Variants in ZNF709 observed in about 807,000 individuals in gnomAD.
ZNF709 encodes zinc finger protein 709.
In ZNF709, 15 loss-of-function variants were observed where a neutral mutation model predicts 10.6. The observed-to-expected ratio is 1.41, with a 90% confidence interval of 0.95 to 2.18. The LOEUF (loss-of-function observed/expected upper bound fraction) is 2.18. Ranked by LOEUF, ZNF709 falls within the 30% of genes most tolerant of loss-of-function variation. The pLI is 0.00. For missense variants in ZNF709, 589 were observed against 774.0 expected (o/e 0.76, Z 2.84); for synonymous variants, 194 against 238.8 (o/e 0.81, Z 1.73).
intron 1 of ZNF709, among the ~76,000 whole-genome samples, chr19:12,471,947 C>T (rs934518832): frequency 6.6e-5 from 10 of 151,664 alleles, no homozygotes; most frequent in Non-Finnish European, 1.0e-4. Flanking sequence ...ATACTAAAAT[C>T]AAGAAAGTTA....
intron 1 of ZNF709, among the ~76,000 whole-genome samples, chr19:12,480,345 G>C (rs1168095551): frequency 2.0e-5 from 3 of 152,072 alleles, no homozygotes; most frequent in African/African-American, 7.2e-5. Flanking sequence ...AGTATGTTAG[G>C]ATTTTCAAAT....
At chr19:12,468,039 C>G (rs1213107724) in intron 1 of ZNF709, among the ~76,000 whole-genome samples, 3 of 151,080 alleles carry the variant, frequency 2.0e-5, no homozygotes, top group African/African-American at 7.3e-5. Context: ...GGTCAGCCCC[C>G]GCCCGGCCAG....
intron 1 of ZNF709, among the ~76,000 whole-genome samples, chr19:12,470,377 C>CAG (rs1455262016): frequency 6.6e-6 from 1 of 152,056 alleles, no homozygotes; most frequent in Non-Finnish European, 1.5e-5. Flanking sequence ...GAGCTGATCA[C>CAG]GTAAGTTCTA....
intron 1 of ZNF709, among the ~76,000 whole-genome samples, chr19:12,467,287 G>GC (rs1568246235): frequency 6.6e-6 from 1 of 152,184 alleles, no homozygotes; most frequent in African/African-American, 2.4e-5. Context: ...GCAGGCGCGC[G>GC]CGCCGCCACG....
chr19:12,474,100 C>A (rs1439352616), intron 1 of ZNF709, among the ~76,000 whole-genome samples: 6 of 152,128 alleles, frequency 3.9e-5, no homozygotes, highest in Non-Finnish European at 8.8e-5. Context: ...ACTATAAAAT[C>A]ATTGTGTTGT....
intron 1 of ZNF709, among the ~76,000 whole-genome samples, chr19:12,480,007 A>AAT (rs1254318951): frequency 4.0e-5 from 6 of 151,794 alleles, no homozygotes; most frequent in South Asian, 2.1e-4. Flanking sequence ...TACAAAAAAG[A>AAT]ATATATATAT....
intron 1 of ZNF709, among the ~76,000 whole-genome samples, chr19:12,469,855 G>A (rs1970620489): frequency 6.6e-6 from 1 of 152,096 alleles, no homozygotes; most frequent in Non-Finnish European, 1.5e-5. Context: ...GGATGGAGAT[G>A]ATAAGATGCC....
At chr19:12,469,622 A>T (rs2144994252) in intron 1 of ZNF709, among the ~76,000 whole-genome samples, 1 of 152,166 alleles carries the variant, frequency 6.6e-6, no homozygotes, top group South Asian at 2.1e-4. Context: ...CAAAAAAATT[A>T]GCTGGGTGTG....
chr19:12,467,118 G>C (rs1014991878), intron 1 of ZNF709, among the ~76,000 whole-genome samples: 1 of 152,046 alleles, frequency 6.6e-6, no homozygotes, highest in Non-Finnish European at 1.5e-5. Flanking sequence ...AATGCTATAC[G>C]ATACTCTCCC....
chr19:12,480,607 T>C (rs554109799), intron 1 of ZNF709, among the ~76,000 whole-genome samples: 12 of 148,414 alleles, frequency 8.1e-5, no homozygotes, highest in African/African-American at 3.0e-4. Context: ...GGCGTGAACC[T>C]GGGAGGCAGA....
Position 12,464,574 on chromosome 19 carries a change from A to G in ZNF709, c.1348T>C (p.Cys450Arg). The G allele has an allele frequency of 2.5e-6, 4 of 1,612,932 alleles. No individual in the cohort carries two copies. The highest frequency in any genetic ancestry group is 3.4e-6 in the Non-Finnish European group (4 of 1,179,476). ...CTGAAGGCTTTACCACACTGTTTAC[A>G]TTCATAGGGTTTCTCTCCAGTGTGA... is the stretch of plus-strand genomic sequence containing the variant. ...RTHTGEKPYE[C>R]KQCGKAFSCS... The change falls in exon 4 of 4, where the codon TGT becomes CGT. Residue 450 changes from cysteine to arginine, a missense_variant. Transcript: ENST00000397732.
intron 1 of ZNF709, among the ~76,000 whole-genome samples, chr19:12,479,899 G>A (rs1333775602): frequency 1.3e-5 from 2 of 152,006 alleles, no homozygotes; most frequent in South Asian, 2.1e-4. Flanking sequence ...GCTGGGTGTG[G>A]TGGCTCATAC....
At chr19:12,468,013 CGGGAGGGAG>C (rs1403973707) in intron 1 of ZNF709, among the ~76,000 whole-genome samples, 40 of 151,074 alleles carry the variant, frequency 2.6e-4, no homozygotes, top group Non-Finnish European at 4.6e-4. Context: ...CCGCCCCGTC[CGGGAGGGAG>C]GTGGGGGGTC....
rs900361291 is a variant in ZNF709 at position 12,463,820 on chromosome 19, A to C, written c.*176T>G. The C allele has an allele frequency of 2.2e-6, 1 of 456,554 alleles. No individual in the cohort carries two copies. The highest frequency in any genetic ancestry group is 3.7e-6 in the Non-Finnish European group (1 of 271,794). The allele number at this position is 456,554 out of a possible 1,614,324, so 28.3% of individuals were successfully genotyped here. Reference sequence around the variant, plus strand: ...TTCACACCTGTTGTCCCAGCTACTCAGGAAGCTGAGGCAGGAGAATCGCTT... The same window carrying C: ...TTCACACCTGTTGTCCCAGCTACTCCGGAAGCTGAGGCAGGAGAATCGCTT... On this transcript the variant is annotated 3_prime_UTR_variant, in exon 4 of 4. Transcript: ENST00000397732.
At position 12,463,034 on chromosome 19, in the gene ZNF709, ATGT is replaced by A. The variant is rs1345949925; in HGVS notation, c.*959_*961del. On this transcript the variant is annotated 3_prime_UTR_variant, in exon 4 of 4. Coordinates refer to ENST00000397732, the MANE Select transcript of ZNF709 (RefSeq NM_152601.4). ...TAATATGTTTTATCACATTTCTGAC[ATGT>A]TGTGAATTTTCTAGAACAATATACA... 2 of 152,218 alleles carry A rather than the reference ATGT, an allele frequency of 1.3e-5. No homozygotes were observed. The highest frequency in any genetic ancestry group is 1.9e-4 in the East Asian group (1 of 5,206). 9.4% of individuals were successfully genotyped at this position (152,218 alleles called of 1,614,324 possible).
intron 1 of ZNF709, among the ~76,000 whole-genome samples, chr19:12,478,158 C>G (rs2145005196): frequency 6.6e-6 from 1 of 152,260 alleles, no homozygotes; most frequent in South Asian, 2.1e-4. Flanking sequence ...TGCCTTTCCC[C>G]CTCTCTTTTG....
chr19:12,468,901 C>T lies in ZNF709; in HGVS notation c.4-2051G>A, dbSNP rs1042192133. On this transcript the variant is annotated intron_variant, in intron 1 of 3. Transcript: ENST00000397732. ...TGACGCCCAGGCTAGAGTGCAGTGG[C>T]GCGATCTCAGCTCACTGCAAGCTCT... Among the ~76,000 whole-genome samples the T allele has an allele frequency of 1.3e-3, 198 of 151,780 alleles. 2 individuals are homozygous for T. The highest frequency in any genetic ancestry group is 3.8e-4 in the Non-Finnish European group (26 of 67,938).
chr19:12,484,633 A>AC, intron 1 of ZNF709, 22 bp downstream of exon 1: 7 of 1,612,510 alleles, frequency 4.3e-6, no homozygotes, highest in Non-Finnish European at 5.9e-6. Context: ...CCATCTCAAG[A>AC]CCCCCAGCCC....
chr19:12,484,070 G>C (rs946728224), intron 1 of ZNF709, among the ~76,000 whole-genome samples: 2 of 152,174 alleles, frequency 1.3e-5, no homozygotes, highest in Non-Finnish European at 2.9e-5. Flanking sequence ...TGTACAAAAA[G>C]GATAATTAAA....
Sources: allele counts gnomAD v4.1 joint callset (sites outside exome capture counted in the v4.1 genomes callset), GRCh38; gene constraint gnomAD v4.1.1; transcripts MANE v1.5; gene names NCBI Gene and HGNC (gene_info 2026-07-23, HGNC 2026-07-21).